The following PCDHGA2 variants were observed in gnomAD, a reference collection of about 807,000 sequenced individuals.
PCDHGA2 encodes the protein protocadherin gamma-A2.
In PCDHGA2, 40 loss-of-function variants were observed where a neutral mutation model predicts 59.2. That is an observed-to-expected ratio of 0.68 (90% CI 0.52 to 0.88). The LOEUF (loss-of-function observed/expected upper bound fraction) is 0.88, where lower values mean the gene tolerates loss of function less well. PCDHGA2 is among the 40% of genes least tolerant of loss of function. The probability of loss-of-function intolerance (pLI) is 0.00; values close to 1 mark genes in which losing one functional copy is unlikely to be tolerated. For synonymous variants in PCDHGA2, 560 were observed against 526.0 expected (o/e 1.06, Z -0.89); for missense variants, 1,226 against 1,204.0 (o/e 1.02, Z -0.27).
intron 1 of PCDHGA2, chr5:141,399,067 G>A (rs774399021): frequency 4.3e-6 from 7 of 1,613,834 alleles, no homozygotes; most frequent in African/African-American, 1.3e-5. Context: ...ATATTCAATG[G>A]TTGTAGAAGG....
intron 1 of PCDHGA2, chr5:141,388,709 C>T (rs370023698): frequency 1.9e-6 from 3 of 1,613,820 alleles, no homozygotes; most frequent in Admixed American, 3.3e-5. Context: ...GTGTCAATGC[C>T]GAGATTACTT....
Position 141,489,091 on chromosome 5 carries a change from T to A in PCDHGA2, c.2425-5716T>A. 1.9e-4 allele frequency: 63 copies of A among 332,802 alleles called. No individual in the cohort carries two copies. Among genetic ancestry groups the A allele is most frequent in the East Asian group, 2.9e-4 (6 of 20,542 alleles). The allele number at this position is 332,802 out of a possible 1,614,324, so 20.6% of individuals were successfully genotyped here. A position where few individuals can be genotyped will look rare whatever the true frequency, so the allele number is the denominator to read the frequency against. ...CTGCCCACCCCCGCCACTCGGTGAC[T>A]AAGAACTGCTGCAAGCAGGCAAACC... On this transcript the variant is annotated intron_variant, in intron 1 of 3. Transcript: ENST00000394576. This position sits in a 1 kb window ranked among gnomAD's most constrained non-coding sequence, Gnocchi z 4.5.
intron 1 of PCDHGA2, chr5:141,419,426 G>C: frequency 6.2e-7 from 1 of 1,613,312 alleles, no homozygotes; most frequent in Non-Finnish European, 8.5e-7. Flanking sequence ...CTTCGACCAC[G>C]AGCAGCTGCG....
intron 1 of PCDHGA2, chr5:141,408,026 G>A (rs1484571389): frequency 2.8e-6 from 3 of 1,081,716 alleles, no homozygotes; most frequent in African/African-American, 3.2e-5. Context: ...ACAACAGAAA[G>A]AAGAAAACCA....
In PCDHGA2 at chr5:141,511,318, A is replaced by C; in HGVS notation, c.*145A>C. 2 of 1,476,400 alleles carry C rather than the reference A, an allele frequency of 1.4e-6. No homozygotes were observed. Among genetic ancestry groups the C allele is most frequent in the South Asian group, 2.7e-5 (2 of 72,796 alleles). 91.5% of individuals were successfully genotyped at this position (1,476,400 alleles called of 1,614,324 possible). On this transcript the variant is annotated 3_prime_UTR_variant, in exon 4 of 4. Transcript: ENST00000394576. The stretch of plus-strand genomic sequence containing the variant: ...GCCATGCTCCCCTTGGGAAACAGAA[A>C]CAAGTGCCCAGTCAGCACCTACCCC...
intron 1 of PCDHGA2, chr5:141,415,512 T>G (rs997659180): frequency 3.1e-6 from 5 of 1,614,234 alleles, no homozygotes; most frequent in Non-Finnish European, 4.2e-6. Context: ...AGCCCAATTA[T>G]GCGGACACGC....
intron 1 of PCDHGA2, chr5:141,420,969 A>G (rs2096536141): frequency 2.3e-6 from 1 of 443,064 alleles, no homozygotes; most frequent in Admixed American, 4.0e-5. Flanking sequence ...TTGCAATAAT[A>G]AGAATGGGCT....
chr5:141,406,258 G>A (rs895877034), intron 1 of PCDHGA2, among the ~76,000 whole-genome samples: 2 of 151,882 alleles, frequency 1.3e-5, no homozygotes, highest in African/African-American at 4.8e-5. Context: ...GGTCTCAAAC[G>A]ATCTTCCTGC....
chr5:141,416,011 GGTAA>G (rs1031382322), intron 1 of PCDHGA2: 25 of 239,912 alleles, frequency 1.0e-4, no homozygotes, highest in Non-Finnish European at 3.9e-5. Flanking sequence ...GGTAAGAATA[GGTAA>G]GTATCAGAAA....
At position 141,431,433 on chromosome 5, in the gene PCDHGA2, C is replaced by T; in HGVS notation, c.2425-63374C>T. ...GGGGGCGACCCGGTGCGCACAGGCA[C>T]CGCGCGCATCCGCGTGATGGTTCTG... On this transcript the variant is annotated intron_variant, in intron 1 of 3. Transcript: ENST00000394576. This position sits in a 1 kb window ranked among gnomAD's most constrained non-coding sequence, Gnocchi z 4.8. 1.9e-6 allele frequency: 3 copies of T among 1,613,716 alleles called. No homozygotes were observed. The highest frequency in any genetic ancestry group is 2.5e-6 in the Non-Finnish European group (3 of 1,180,028).
chr5:141,472,980 C>CAAAAAAAAAAAAAAAAAAAAAAA (rs60579131), intron 1 of PCDHGA2, among the ~76,000 whole-genome samples: 6 of 86,066 alleles, frequency 7.0e-5, no homozygotes, highest in Non-Finnish European at 1.0e-4. Context: ...GAGTGAAACT[C>CAAAAAAAAAAAAAAAAAAAAAAA]AAAAAAAAAA....
chr5:141,431,610 T>A lies in PCDHGA2; in HGVS notation c.2425-63197T>A. The stretch of plus-strand genomic sequence containing the variant: ...GAAGTGAGGTATTCCTTCCGGTATG[T>A]GGACGACAAGGCGGCCCAAGTTTTC... On this transcript the variant is annotated intron_variant, in intron 1 of 3. Transcript: ENST00000394576. The surrounding 1 kb of genome is among the most constrained non-coding windows in gnomAD (Gnocchi z 4.8). 6.2e-7 allele frequency: 1 copy of A among 1,614,238 alleles called. No homozygotes were observed. Among genetic ancestry groups the A allele is most frequent in the Non-Finnish European group, 8.5e-7 (1 of 1,180,034 alleles).
chr5:141,423,070 C>G, intron 1 of PCDHGA2: 1 of 1,614,132 alleles, frequency 6.2e-7, no homozygotes, highest in Non-Finnish European at 8.5e-7. Flanking sequence ...GGCCAGCGAG[C>G]CGGGACTCTT....
In PCDHGA2 at chr5:141,489,335, G is replaced by A. The variant is rs138015049; in HGVS notation, c.2425-5472G>A. The A allele has an allele frequency of 8.2e-5, 132 of 1,607,244 alleles. No individual in the cohort carries two copies. The African/African-American group carries it at 1.5e-3, about 18-fold the overall frequency. On this transcript the variant is annotated intron_variant, in intron 1 of 3. Transcript: ENST00000394576. This position sits in a 1 kb window ranked among gnomAD's most constrained non-coding sequence, Gnocchi z 4.5. ...TGGGGCTGGGTGTCTGGGCAGCTTC[G>A]TTACTCAGTGGTGGAGGAGTCTGAG...
chr5:141,422,027 C>A, intron 1 of PCDHGA2: 1 of 1,610,650 alleles, frequency 6.2e-7, no homozygotes, highest in Non-Finnish European at 8.5e-7. Context: ...ATGGTTAATG[C>A]AACGGATCCA....
Position 141,430,867 on chromosome 5 carries a change from G to T in PCDHGA2, c.2425-63940G>T, listed in dbSNP as rs1157718106. ...GCACCCAGATACGCTATTCAGTTCC[G>T]GAAGAGCTGGAGAAAGGCTCTAGGG... On this transcript the variant is annotated intron_variant, in intron 1 of 3. Coordinates refer to ENST00000394576, the MANE Select transcript of PCDHGA2 (RefSeq NM_018915.4). 2.5e-6 allele frequency: 4 copies of T among 1,596,238 alleles called. No individual in the cohort carries two copies. In the East Asian group the frequency reaches 8.9e-5, roughly 36 times the overall value.
rs559316235 is a variant in PCDHGA2, at chr5:141,398,652, C to T, written c.2424+57257C>T. 27 of 1,613,990 alleles carry T rather than the reference C, an allele frequency of 1.7e-5. No homozygotes were observed. The East Asian group carries it at 5.1e-4, about 31-fold the overall frequency. ...TGCAGAAGTATAAACTCTCTCTTAA[C>T]CCAAGTTTCTCATTAATAATTAAGG... On this transcript the variant is annotated intron_variant, in intron 1 of 3. Coordinates refer to ENST00000394576, the MANE Select transcript of PCDHGA2 (RefSeq NM_018915.4).
At chr5:141,350,498 G>C in intron 1 of PCDHGA2, 1 of 1,614,024 alleles carries the variant, frequency 6.2e-7, no homozygotes. Flanking sequence ...GGAGAGCGGG[G>C]ATTTGTTAGT....
intron 1 of PCDHGA2, chr5:141,418,028 A>C (rs767425160): frequency 1.2e-6 from 2 of 1,613,970 alleles, no homozygotes; most frequent in East Asian, 4.5e-5. Context: ...TCTAGGGCTT[A>C]GTGTCCTGGA....
Sources: gnomAD v4.1 joint callset for allele counts (sites outside exome capture counted in the v4.1 genomes callset) on GRCh38, gnomAD v4.1.1 for gene constraint, Gnocchi (gnomAD v3.1) non-coding constraint, MANE v1.5 for transcripts, NCBI Gene and HGNC (gene_info 2026-07-23, HGNC 2026-07-21) for gene names.